The following FHIT variants were observed in gnomAD, a reference collection of about 807,000 sequenced individuals.
FHIT encodes bis(5'-adenosyl)-triphosphatase.
A neutral mutation model predicts 17.9 loss-of-function variants in FHIT; 19 were observed. The observed-to-expected ratio is 1.06, with a 90% CI of 0.74 to 1.56. FHIT has a LOEUF of 1.56. FHIT is among the 40% of genes most tolerant of loss of function. The pLI, the probability that FHIT is intolerant of heterozygous loss-of-function variation, is 0.00. For missense variants in FHIT, 248 were observed against 189.2 expected (o/e 1.31, Z -1.82); for synonymous variants, 81 against 69.7 (o/e 1.16, Z -0.81).
intron 7 of FHIT, among the ~76,000 whole-genome samples, chr3:59,923,645 C>A (rs1332769603): frequency 6.6e-6 from 1 of 152,004 alleles, no homozygotes. Context: ...TATTACAAAC[C>A]GTGGGGAGGA....
At chr3:60,874,475 C>T (rs1422105196) in intron 3 of FHIT, among the ~76,000 whole-genome samples, 3 of 152,112 alleles carry the variant, frequency 2.0e-5, no homozygotes, top group African/African-American at 4.8e-5. Flanking sequence ...TTCTAGAAAA[C>T]CTCACATCTT....
At chr3:59,822,965 T>G (rs1700848046) in intron 8 of FHIT, among the ~76,000 whole-genome samples, 1 of 152,204 alleles carries the variant, frequency 6.6e-6, no homozygotes, top group African/African-American at 2.4e-5. Flanking sequence ...TCATGTTCTG[T>G]TGATTTTTGT....
At chr3:60,526,247 G>C (rs1277654702) in intron 5 of FHIT, among the ~76,000 whole-genome samples, 5 of 152,082 alleles carry the variant, frequency 3.3e-5, no homozygotes, top group Admixed American at 3.3e-4. Flanking sequence ...CTGCACTGGT[G>C]AATTAACAGA....
chr3:61,136,672 A>T (rs1005297367), intron 2 of FHIT, among the ~76,000 whole-genome samples: 2 of 152,236 alleles, frequency 1.3e-5, no homozygotes, highest in South Asian at 2.1e-4. Context: ...AGAGACTGGG[A>T]TACCAGATCC....
chr3:61,169,703 T>C (rs920511731), intron 2 of FHIT, among the ~76,000 whole-genome samples: 26 of 152,160 alleles, frequency 1.7e-4, no homozygotes, highest in Non-Finnish European at 4.4e-5. Flanking sequence ...AAGAAACAAA[T>C]GTTAAACAAA....
At chr3:60,455,312 C>T (rs1350280078) in intron 5 of FHIT, among the ~76,000 whole-genome samples, 1 of 152,006 alleles carries the variant, frequency 6.6e-6, no homozygotes, top group Admixed American at 6.5e-5. Context: ...TAACAAGGGC[C>T]CTCATCCATT....
intron 5 of FHIT, among the ~76,000 whole-genome samples, chr3:60,104,286 A>C (rs747931989): frequency 1.1e-4 from 17 of 152,156 alleles, no homozygotes; most frequent in Non-Finnish European, 2.5e-4. Context: ...TTCATTAAAT[A>C]CCAACTCTGT....
intron 4 of FHIT, among the ~76,000 whole-genome samples, chr3:60,658,611 A>G (rs781959648): frequency 4.6e-5 from 7 of 152,166 alleles, no homozygotes; most frequent in Admixed American, 3.3e-4. Flanking sequence ...AAAAATTAAC[A>G]TCTTCATGCA....
chr3:59,921,904 G>T (rs55700362), intron 8 of FHIT, among the ~76,000 whole-genome samples: 8,695 of 152,244 alleles, frequency 0.057, 268 homozygotes, highest in Middle Eastern at 0.085. Context: ...ATAATTTACA[G>T]TTTCACTTTG....
At chr3:60,213,179 A>T (rs899113485) in intron 5 of FHIT, among the ~76,000 whole-genome samples, 1 of 152,204 alleles carries the variant, frequency 6.6e-6, no homozygotes, top group Non-Finnish European at 1.5e-5. Context: ...TATTCCAATG[A>T]TAGAGAGAAC....
intron 3 of FHIT, among the ~76,000 whole-genome samples, chr3:60,963,397 T>G (rs1709558796): frequency 6.6e-6 from 1 of 152,224 alleles, no homozygotes; most frequent in Non-Finnish European, 1.5e-5. Context: ...GATTCACTGA[T>G]TTTTTGAAGG....
chr3:60,281,560 G>A (rs898652282), intron 5 of FHIT, among the ~76,000 whole-genome samples: 1 of 150,290 alleles, frequency 6.7e-6, no homozygotes, highest in Non-Finnish European at 1.5e-5. Context: ...CTGGACAGAG[G>A]AGCAAAGGCA....
At chr3:60,963,877 C>G (rs903927512) in intron 3 of FHIT, among the ~76,000 whole-genome samples, 4 of 152,028 alleles carry the variant, frequency 2.6e-5, no homozygotes, top group African/African-American at 9.7e-5. Context: ...GGAATAAGTG[C>G]GATGTGGTGC....
intron 5 of FHIT, among the ~76,000 whole-genome samples, chr3:60,135,859 T>C (rs1311829345): frequency 2.6e-5 from 4 of 152,166 alleles, no homozygotes; most frequent in Non-Finnish European, 5.9e-5. Context: ...GGTGTCTGTT[T>C]CCTACATTTT....
intron 8 of FHIT, among the ~76,000 whole-genome samples, chr3:59,845,640 A>G (rs1701691611): frequency 6.6e-6 from 1 of 152,028 alleles, no homozygotes; most frequent in Non-Finnish European, 1.5e-5. Context: ...CAGAGAAGAC[A>G]CTCTGTACAA....
At chr3:60,833,214 G>A (rs1702395137) in intron 3 of FHIT, among the ~76,000 whole-genome samples, 1 of 152,128 alleles carries the variant, frequency 6.6e-6, no homozygotes, top group South Asian at 2.1e-4. Flanking sequence ...GCTATGCATG[G>A]TGACTCCAAT....
At chr3:60,555,802 C>T (rs1213413209) in intron 4 of FHIT, among the ~76,000 whole-genome samples, 1 of 152,190 alleles carries the variant, frequency 6.6e-6, no homozygotes, top group Non-Finnish European at 1.5e-5. Flanking sequence ...CAGACTGAGA[C>T]CGGCACCTGA....
chr3:60,617,209 A>G (rs2038977727), intron 4 of FHIT: 1 of 180,228 alleles, frequency 5.5e-6, no homozygotes, highest in Non-Finnish European at 1.2e-5. Context: ...ACGTCTTTCA[A>G]AACAATGGGA....
intron 3 of FHIT, among the ~76,000 whole-genome samples, chr3:60,876,113 C>A (rs1402111480): frequency 6.6e-6 from 1 of 152,048 alleles, no homozygotes; most frequent in Non-Finnish European, 1.5e-5. Flanking sequence ...AGGATCCTAA[C>A]CTTAAACCAC....
Sources: allele counts gnomAD v4.1 joint callset (sites outside exome capture counted in the v4.1 genomes callset), GRCh38; gene constraint gnomAD v4.1.1; transcripts MANE v1.5; gene names NCBI Gene and HGNC (gene_info 2026-07-23, HGNC 2026-07-21).